LAMA2: variants seen among roughly 807,000 people sequenced by gnomAD.
LAMA2 encodes laminin subunit alpha-2.
Under a neutral mutation model 364.8 loss-of-function variants are expected in LAMA2, and 269 were observed. That is an observed-to-expected ratio of 0.74 (90% CI 0.67 to 0.82). The LOEUF (loss-of-function observed/expected upper bound fraction) is 0.82. Among genes scored for constraint, LAMA2 ranks in the 40% least tolerant of loss-of-function variants. LAMA2 has a pLI of 0.00. For missense variants in LAMA2, 3,807 were observed against 3,873.2 expected (o/e 0.98, Z 0.45); for synonymous variants, 1,379 against 1,370.6 (o/e 1.01, Z -0.14).
intron 62 of LAMA2, among the ~76,000 whole-genome samples, chr6:129,507,974 A>G (rs1786239909): frequency 8.6e-6 from 1 of 116,392 alleles, no homozygotes; most frequent in Non-Finnish European, 1.9e-5. Flanking sequence ...GTTTCTGGAG[A>G]TGAGATATGA....
chr6:128,950,140 C>T (rs987922284), intron 1 of LAMA2, among the ~76,000 whole-genome samples: 9 of 152,096 alleles, frequency 5.9e-5, no homozygotes, highest in South Asian at 4.1e-4. Flanking sequence ...TTACTGACTT[C>T]GAGTGGCATC....
At chr6:128,919,811 C>T (rs934627083) in intron 1 of LAMA2, among the ~76,000 whole-genome samples, 4 of 152,096 alleles carry the variant, frequency 2.6e-5, no homozygotes, top group African/African-American at 7.2e-5. Flanking sequence ...GTCATGTAGC[C>T]GTACATCCCA....
At chr6:129,301,946 G>A (rs570878706) in intron 22 of LAMA2, among the ~76,000 whole-genome samples, 8 of 152,084 alleles carry the variant, frequency 5.3e-5, no homozygotes, top group South Asian at 2.1e-4. Context: ...TTGGTGTTAC[G>A]TTTTTGTAAT....
rs374127279 is a variant in LAMA2, at chr6:129,210,003, C to CAAAAAAAA, written c.1782+17165_1782+17172dup. 8.4e-4 allele frequency among the ~76,000 whole-genome samples: 57 copies of CAAAAAAAA among 67,650 alleles called. 2 individuals are homozygous for CAAAAAAAA. The highest frequency in any genetic ancestry group is 3.8e-3 in the South Asian group (6 of 1,586). The allele number at this position is 67,650 out of a possible 152,430, so 44.4% of individuals were successfully genotyped here. A position where few individuals can be genotyped will look rare whatever the true frequency, so the allele number is the denominator to read the frequency against. On this transcript the variant is annotated intron_variant, in intron 12 of 64. Transcript: ENST00000421865. ...CGGGCGACAGAGCGAGACTCCATCT[C>CAAAAAAAA]AAAAAAAAAAAAAAAAAAAAAATTT...
At chr6:129,191,067 G>A (rs562555635) in intron 11 of LAMA2, among the ~76,000 whole-genome samples, 1 of 152,268 alleles carries the variant, frequency 6.6e-6, no homozygotes, top group East Asian at 1.9e-4. Context: ...GTGCAGAATG[G>A]TAGGAAATGG....
chr6:129,337,843 G>A (rs1462545314), intron 29 of LAMA2, among the ~76,000 whole-genome samples: 2 of 151,994 alleles, frequency 1.3e-5, no homozygotes, highest in Non-Finnish European at 2.9e-5. Flanking sequence ...CCAAAATATA[G>A]GAATTTCCCC....
intron 40 of LAMA2, among the ~76,000 whole-genome samples, chr6:129,404,478 T>C (rs566341308): frequency 6.6e-6 from 1 of 152,314 alleles, no homozygotes; most frequent in African/African-American, 2.4e-5. Context: ...GCTACAATCA[T>C]TGTTCGTAAT....
At chr6:129,164,078 C>G (rs1017785239) in intron 8 of LAMA2, among the ~76,000 whole-genome samples, 1 of 152,036 alleles carries the variant, frequency 6.6e-6, no homozygotes, top group African/African-American at 2.4e-5. Context: ...ATATCTAATA[C>G]AGTAGTCCTC....
chr6:129,407,279 C>A (rs1780295872), intron 40 of LAMA2, among the ~76,000 whole-genome samples: 1 of 152,220 alleles, frequency 6.6e-6, no homozygotes, highest in South Asian at 2.1e-4. Context: ...ACAAGTCCAC[C>A]CCTTGTCAAC....
intron 1 of LAMA2, among the ~76,000 whole-genome samples, chr6:128,927,450 G>A (rs540653355): frequency 1.3e-5 from 2 of 152,208 alleles, no homozygotes; most frequent in South Asian, 2.1e-4. Flanking sequence ...TTCTATGTTA[G>A]TGACCTCTTC....
At chr6:128,952,375 G>A (rs1034015421) in intron 1 of LAMA2, among the ~76,000 whole-genome samples, 1 of 151,926 alleles carries the variant, frequency 6.6e-6, no homozygotes, top group African/African-American at 2.4e-5. Flanking sequence ...AATTCCATAC[G>A]TTATCAACAG....
At chr6:128,952,637 T>C (rs1372781467) in intron 1 of LAMA2, among the ~76,000 whole-genome samples, 2 of 152,320 alleles carry the variant, frequency 1.3e-5, no homozygotes, top group Admixed American at 6.5e-5. Flanking sequence ...TTTGTACAAG[T>C]AGAAGAGTCA....
chr6:129,393,119 A>C lies in LAMA2; in HGVS notation c.5309A>C (p.Lys1770Thr). Residue 1770 changes from lysine (K) to threonine (T), a missense_variant, in exon 37 of 65, where the codon AAG (lysine) becomes ACG (threonine). By Grantham distance (78) the Lys-to-Thr change is moderately conservative (BLOSUM62 -1). Coordinates refer to ENST00000421865, the MANE Select transcript of LAMA2 (RefSeq NM_000426.4). ...ESRGENEEMEKDLREKLADYK... is the reference protein window; with the variant it reads ...ESRGENEEMETDLREKLADYK... ...CGGGGGGAAAATGAAGAAATGGAGAAGGATCTCCGGGAAAAACTGGCTGAC... is the reference window on the plus strand; with the variant it reads ...CGGGGGGAAAATGAAGAAATGGAGACGGATCTCCGGGAAAAACTGGCTGAC... The C allele has an allele frequency of 1.2e-6, 2 of 1,614,034 alleles. No homozygotes were observed. Among genetic ancestry groups the C allele is most frequent in the Non-Finnish European group, 1.7e-6 (2 of 1,179,912 alleles).
intron 1 of LAMA2, among the ~76,000 whole-genome samples, chr6:128,936,143 C>A (rs11969799): frequency 6.6e-6 from 1 of 152,172 alleles, no homozygotes; most frequent in Non-Finnish European, 1.5e-5. Context: ...TGAGGTCTCC[C>A]CAGCCGTGCT....
At chr6:129,102,114 CT>C (rs963504062) in intron 4 of LAMA2, among the ~76,000 whole-genome samples, 3 of 147,830 alleles carry the variant, frequency 2.0e-5, no homozygotes, top group Admixed American at 6.7e-5. Context: ...GGTTCATTTT[CT>C]TTTTTTCTTT....
At chr6:129,008,896 T>C (rs1784596583) in intron 1 of LAMA2, among the ~76,000 whole-genome samples, 1 of 152,220 alleles carries the variant, frequency 6.6e-6, no homozygotes, top group Non-Finnish European at 1.5e-5. Flanking sequence ...ATACATATTG[T>C]ACCCAGGATG....
intron 12 of LAMA2, among the ~76,000 whole-genome samples, chr6:129,235,164 G>T (rs1032847629): frequency 6.6e-6 from 1 of 152,042 alleles, no homozygotes; most frequent in Non-Finnish European, 1.5e-5. Context: ...GGGGCCAAGG[G>T]GCTTAGAACC....
intron 6 of LAMA2, among the ~76,000 whole-genome samples, chr6:129,148,403 T>A (rs1454867886): frequency 6.6e-6 from 1 of 152,034 alleles, no homozygotes; most frequent in Non-Finnish European, 1.5e-5. Context: ...AGCTAATGCA[T>A]GCAGGGTGCT....
At chr6:129,091,664 A>G (rs925238505) in intron 3 of LAMA2, among the ~76,000 whole-genome samples, 1 of 152,234 alleles carries the variant, frequency 6.6e-6, no homozygotes, top group African/African-American at 2.4e-5. Context: ...AAGTAAATTT[A>G]CCTGAAGATA....
Sources: gnomAD v4.1 joint callset for allele counts (sites outside exome capture counted in the v4.1 genomes callset) on GRCh38, gnomAD v4.1.1 for gene constraint, MANE v1.5 for transcripts, NCBI Gene and HGNC (gene_info 2026-07-23, HGNC 2026-07-21) for gene names.